Variants in CCDC14 observed in about 807,000 individuals in gnomAD.
CCDC14 encodes the protein coiled-coil domain-containing protein 14.
Under a neutral mutation model 81.4 loss-of-function variants are expected in CCDC14, and 71 were observed. The observed-to-expected ratio is 0.87, with a 90% confidence interval of 0.72 to 1.06. The LOEUF (loss-of-function observed/expected upper bound fraction) is 1.06, where lower values mean the gene tolerates loss of function less well. Among genes scored for constraint, CCDC14 ranks in the 50% least tolerant of loss-of-function variants. The pLI is 0.00. For synonymous variants in CCDC14, 332 were observed against 364.8 expected, an observed-to-expected ratio of 0.91 and a Z score of 1.03; for missense variants, 1,046 against 1,047.3, an observed-to-expected ratio of 1.00 and a Z score of 0.02.
At chr3:123,926,547 T>TA (rs1298953363) in intron 12 of CCDC14, among the ~76,000 whole-genome samples, 1 of 145,694 alleles carries the variant, frequency 6.9e-6, no homozygotes, top group African/African-American at 2.5e-5. Context: ...AATTTATATA[T>TA]TTTTAAATAT....
intron 1 of CCDC14, among the ~76,000 whole-genome samples, chr3:123,959,797 T>C (rs2037564773): frequency 1.5e-5 from 2 of 129,160 alleles, no homozygotes; most frequent in Non-Finnish European, 3.0e-5. Context: ...ATGCATTTTT[T>C]ACTTAGTCAT....
intron 5 of CCDC14, among the ~76,000 whole-genome samples, chr3:123,951,187 T>C (rs529295250): frequency 6.6e-6 from 1 of 152,282 alleles, no homozygotes; most frequent in East Asian, 1.9e-4. Flanking sequence ...ATAAGATTAT[T>C]GAGAGATGTA....
intron 3 of CCDC14, 117 bp from the exon 4 acceptor site, chr3:123,956,232 T>C (rs1361770209): frequency 4.7e-6 from 6 of 1,268,964 alleles, no homozygotes; most frequent in Admixed American, 5.5e-5. Context: ...GTAGAAAAGA[T>C]GTTTTAAAGC....
At chr3:123,932,473 TAAG>T (rs540406603) in intron 10 of CCDC14, among the ~76,000 whole-genome samples, 99 of 152,306 alleles carry the variant, frequency 6.5e-4, no homozygotes, top group South Asian at 6.4e-3. Context: ...ATTTATATAT[TAAG>T]AAGATTAAGC....
chr3:123,905,590 G>C (rs892911075), intron 5 of CCDC14, among the ~76,000 whole-genome samples: 1 of 152,180 alleles, frequency 6.6e-6, no homozygotes, highest in Admixed American at 6.5e-5. Flanking sequence ...ATCAAACCCA[G>C]ACTGAAGTAA....
intron 12 of CCDC14, among the ~76,000 whole-genome samples, chr3:123,925,439 C>T (rs2035308584): frequency 6.6e-6 from 1 of 151,766 alleles, no homozygotes; most frequent in South Asian, 2.1e-4. Flanking sequence ...AGTAGGGTGA[C>T]TATACTTTTT....
rs1463340032 is a variant in CCDC14, at chr3:123,915,333, C to T, written c.2164G>A (p.Asp722Asn). ...ATTGTATTATCCAAATTATGCTCAT[C>T]TTCTATTAAAGCCATAGTTTCACTC... Reference protein sequence around the residue: ...EGSETMALIEDEHNLDNTIYI... With the variant: ...EGSETMALIENEHNLDNTIYI... The change falls in exon 13 of 13, where the codon GAT (aspartate) becomes AAT (asparagine). Residue 722 changes from aspartate (D) to asparagine (N), a missense_variant. Transcript: ENST00000409697. 3 of 1,613,746 alleles carry T rather than the reference C, an allele frequency of 1.9e-6. No homozygotes were observed. The highest frequency in any genetic ancestry group is 2.5e-6 in the Non-Finnish European group (3 of 1,179,864).
At chr3:123,903,297 A>AACACAC (rs57466490) in intron 5 of CCDC14, among the ~76,000 whole-genome samples, 2,255 of 144,248 alleles carry the variant, frequency 0.016, 55 homozygotes, top group African/African-American at 0.049. Context: ...TTATTTTTCA[A>AACACAC]ACACACACAC....
At chr3:123,951,157 A>C (rs550091176) in intron 5 of CCDC14, among the ~76,000 whole-genome samples, 85 of 152,248 alleles carry the variant, frequency 5.6e-4, no homozygotes, top group African/African-American at 2.0e-3. Flanking sequence ...CATCAGAAAA[A>C]TTTTAATAAT....
At chr3:123,907,884 T>C (rs1255156287) in intron 5 of CCDC14, among the ~76,000 whole-genome samples, 1 of 151,854 alleles carries the variant, frequency 6.6e-6, no homozygotes, top group East Asian at 2.0e-4. Flanking sequence ...TTTTGCAGTT[T>C]GGTTTTAGAG....
chr3:123,946,776 C>T lies in CCDC14; in HGVS notation c.1201+27G>A, dbSNP rs1382521695. On this transcript the variant is annotated intron_variant, in intron 8 of 12. Coordinates refer to ENST00000409697, the MANE Select transcript of CCDC14 (RefSeq NM_001366335.1). Reference sequence around the variant, plus strand: ...CATTGCTATTTAGTATAACACCATACTACAGAAAGTTATAAGTCCCATCTA... The same window carrying T: ...CATTGCTATTTAGTATAACACCATATTACAGAAAGTTATAAGTCCCATCTA... The T allele has an allele frequency of 4.4e-6, 7 of 1,589,540 alleles. No homozygotes were observed. The East Asian group carries it at 1.1e-4, about 25-fold the overall frequency.
chr3:123,902,702 T>C (rs2034201759), intron 5 of CCDC14, among the ~76,000 whole-genome samples: 1 of 152,248 alleles, frequency 6.6e-6, no homozygotes, highest in African/African-American at 2.4e-5. Flanking sequence ...GCAACTTGTG[T>C]ACCTTTATTT....
chr3:123,924,393 A>G (rs2148823775), intron 12 of CCDC14, among the ~76,000 whole-genome samples: 1 of 152,318 alleles, frequency 6.6e-6, no homozygotes, highest in South Asian at 2.1e-4. Flanking sequence ...AATTTTTTAG[A>G]TATGACCTTG....
chr3:123,894,873 C>T (rs1357018409), downstream of CCDC14, among the ~76,000 whole-genome samples: 2 of 152,118 alleles, frequency 1.3e-5, no homozygotes, highest in Non-Finnish European at 2.9e-5. Context: ...TAAAAAGGAG[C>T]CTGAGCTGGT....
At chr3:123,903,064 C>T (rs1287525222) in intron 5 of CCDC14, among the ~76,000 whole-genome samples, 3 of 151,876 alleles carry the variant, frequency 2.0e-5, no homozygotes, top group African/African-American at 7.3e-5. Context: ...TGAGAACATG[C>T]GGTGTTTGGT....
rs767660935 is a variant in CCDC14 at position 123,915,054 on chromosome 3, C to T, written c.2443G>A (p.Ala815Thr). The T allele has an allele frequency of 3.7e-6, 6 of 1,614,010 alleles. No individual in the cohort carries two copies. The highest frequency in any genetic ancestry group is 5.1e-6 in the Non-Finnish European group (6 of 1,179,892). ...DTQLLKKIKEAIGKIPAATKE... is the reference protein window; with the variant it reads ...DTQLLKKIKETIGKIPAATKE... Reference sequence around the variant, plus strand: ...GTGGCAGCAGGGATCTTACCAATTGCTTCCTTTATTTTCTTGAGGAGCTGT... The same window carrying T: ...GTGGCAGCAGGGATCTTACCAATTGTTTCCTTTATTTTCTTGAGGAGCTGT... The change falls in exon 13 of 13, where the codon GCA (alanine) becomes ACA (threonine). Residue 815 changes from alanine (A) to threonine (T), a missense_variant. Transcript: ENST00000409697.
At chr3:123,952,540 T>C in intron 5 of CCDC14, 1 of 507,546 alleles carries the variant, frequency 2.0e-6, no homozygotes, top group African/African-American at 1.9e-5. Flanking sequence ...CTCAATACAA[T>C]TCTGGAAGGG....
intron 5 of CCDC14, among the ~76,000 whole-genome samples, chr3:123,902,268 C>A (rs1032604619): frequency 1.3e-5 from 2 of 152,184 alleles, no homozygotes; most frequent in Non-Finnish European, 2.9e-5. Flanking sequence ...GAAAGTTTTT[C>A]TCTATAGACA....
At chr3:123,899,524 G>A (rs1205820189) in intron 5 of CCDC14, among the ~76,000 whole-genome samples, 7 of 152,206 alleles carry the variant, frequency 4.6e-5, no homozygotes, top group Admixed American at 4.6e-4. Flanking sequence ...CACCCATCCA[G>A]CAGTCCTGGC....
Sources: allele counts gnomAD v4.1 joint callset (sites outside exome capture counted in the v4.1 genomes callset), GRCh38; gene constraint gnomAD v4.1.1; transcripts MANE v1.5; gene names NCBI Gene and HGNC (gene_info 2026-07-23, HGNC 2026-07-21).